ATCAY: variants seen among roughly 807,000 people sequenced by gnomAD.
ATCAY encodes the protein ATCAY kinesin light chain interacting caytaxin, also known as caytaxin.
ATCAY carries 22 observed loss-of-function variants against 47.7 expected under a neutral mutation model. That is an observed-to-expected ratio of 0.46 (90% CI 0.33 to 0.66). The LOEUF (loss-of-function observed/expected upper bound fraction) is 0.66, where lower values mean the gene tolerates loss of function less well. Ranked by LOEUF, ATCAY falls within the 30% of genes least tolerant of loss-of-function variation. ATCAY has a pLI of 0.02. For synonymous variants in ATCAY, 216 were observed against 207.6 expected, an observed-to-expected ratio of 1.04 and a Z score of -0.35; for missense variants, 452 against 515.0, an observed-to-expected ratio of 0.88 and a Z score of 1.18.
intron 2 of ATCAY, among the ~76,000 whole-genome samples, chr19:3,895,737 TA>T (rs2038764534): frequency 7.1e-6 from 1 of 141,740 alleles, no homozygotes; most frequent in East Asian, 2.1e-4. Context: ...TTTTTTTTGA[TA>T]GACTCTTGCT....
At chr19:3,892,251 G>A (rs2038724685) in intron 2 of ATCAY, among the ~76,000 whole-genome samples, 1 of 151,098 alleles carries the variant, frequency 6.6e-6, no homozygotes, top group Admixed American at 6.6e-5. Context: ...CACCCAGGCT[G>A]GAGTGCAGTG....
intron 1 of ATCAY, among the ~76,000 whole-genome samples, chr19:3,882,066 T>C (rs2038606854): frequency 6.6e-6 from 1 of 152,072 alleles, no homozygotes. Context: ...CTCTGGGTCC[T>C]TCCTTGCTAA....
At position 3,919,015 on chromosome 19, in the gene ATCAY, C is replaced by T. The variant is rs1056665740; in HGVS notation, c.1073+138C>T. On this transcript the variant is annotated intron_variant, in intron 11 of 12. Transcript: ENST00000450849. ...CTAAGTGGCCGGCCATGGTGGCTCA[C>T]GCCTGTAATCCCAGCACTTTGGGAG... 41 of 1,030,608 alleles carry T rather than the reference C, an allele frequency of 4.0e-5. No individual in the cohort carries two copies. In the Middle Eastern group the frequency reaches 1.1e-3, roughly 28 times the overall value. 63.8% of individuals were successfully genotyped at this position (1,030,608 alleles called of 1,614,324 possible). A position where few individuals can be genotyped will look rare whatever the true frequency, so the allele number is the denominator to read the frequency against.
chr19:3,917,262 G>T (rs1020432673), intron 9 of ATCAY, among the ~76,000 whole-genome samples: 13 of 151,622 alleles, frequency 8.6e-5, no homozygotes, highest in Non-Finnish European at 4.4e-5. Context: ...CTCCAGTCTG[G>T]GCTATGACAG....
chr19:3,914,287 G>T (rs1188469145), intron 9 of ATCAY, among the ~76,000 whole-genome samples: 2 of 144,330 alleles, frequency 1.4e-5, no homozygotes, highest in Non-Finnish European at 3.0e-5. Flanking sequence ...GGCTGGCAAC[G>T]CCTCCCAATC....
chr19:3,907,160 T>G lies in ATCAY; in HGVS notation c.359-574T>G, dbSNP rs541830217. On this transcript the variant is annotated intron_variant, in intron 4 of 12. Transcript: ENST00000450849. The surrounding 1 kb of genome is among the most constrained non-coding windows in gnomAD (Gnocchi z 5.1). The stretch of plus-strand genomic sequence containing the variant: ...AAAAAAAAAGAAAGAAAAAAAAAAA[T>G]TAAGGACAATGTAGTGGCTCATTCC... Among the ~76,000 whole-genome samples the G allele has an allele frequency of 6.9e-6, 1 of 145,250 alleles. No homozygotes were observed. Among genetic ancestry groups the G allele is most frequent in the South Asian group, 2.2e-4 (1 of 4,480 alleles).
At chr19:3,894,492 A>G (rs915124016) in intron 2 of ATCAY, among the ~76,000 whole-genome samples, 4 of 151,030 alleles carry the variant, frequency 2.6e-5, no homozygotes, top group Non-Finnish European at 5.9e-5. Flanking sequence ...TCAAAAAAAA[A>G]AAAAAAAAAA....
intron 2 of ATCAY, among the ~76,000 whole-genome samples, chr19:3,889,942 T>G (rs1444623430): frequency 6.6e-6 from 1 of 151,992 alleles, no homozygotes; most frequent in Admixed American, 6.6e-5. Context: ...TTCTTTACTT[T>G]TCTTTTCTTT....
chr19:3,896,997 G>A (rs991381361), intron 2 of ATCAY, among the ~76,000 whole-genome samples: 2 of 151,724 alleles, frequency 1.3e-5, no homozygotes, highest in African/African-American at 2.4e-5. Context: ...GGCTGGTCTC[G>A]AACTCCTGAC....
At position 3,913,913 on chromosome 19, in the gene ATCAY, A is replaced by T. The variant is rs2038943753; in HGVS notation, c.965+57A>T. 50 of 1,493,130 alleles carry T rather than the reference A, an allele frequency of 3.3e-5. 3 individuals are homozygous for T. The South Asian group carries it at 5.0e-4, about 15-fold the overall frequency. 92.5% of individuals were successfully genotyped at this position (1,493,130 alleles called of 1,614,324 possible). On this transcript the variant is annotated intron_variant, in intron 9 of 12. Transcript: ENST00000450849. ...TAGTCTGTTTTCGTGCTGCTGATAA[A>T]GACACACCTGAGACAGGGCAATTTA... is the stretch of plus-strand genomic sequence containing the variant.
At chr19:3,917,837 T>G in intron 10 of ATCAY, 60 bp downstream of exon 10, 1 of 1,579,664 alleles carries the variant, frequency 6.3e-7, no homozygotes, top group Non-Finnish European at 8.6e-7. Context: ...TGAGCTGAAC[T>G]CTCAGTTAGG....
chr19:3,911,015 C>A, intron 8 of ATCAY, 126 bp downstream of exon 8: 1 of 981,820 alleles, frequency 1.0e-6, no homozygotes, highest in Non-Finnish European at 1.6e-6. Flanking sequence ...GTGTGTGCAT[C>A]CATGTGTGTG....
chr19:3,916,517 G>A (rs763936229), intron 9 of ATCAY, among the ~76,000 whole-genome samples: 5 of 151,942 alleles, frequency 3.3e-5, no homozygotes, highest in East Asian at 1.9e-4. Context: ...TTTTTGAGAC[G>A]GAGTCTCACT....
rs766386513 is a variant in ATCAY at position 3,917,722 on chromosome 19, C to T, written c.966-20C>T. The T allele has an allele frequency of 6.2e-7, 1 of 1,610,938 alleles. No individual in the cohort carries two copies. The highest frequency in any genetic ancestry group is 1.7e-5 in the Admixed American group (1 of 59,854). On this transcript the variant is annotated intron_variant, in intron 9 of 12. Coordinates refer to ENST00000450849, the MANE Select transcript of ATCAY (RefSeq NM_033064.5). Reference sequence around the variant, plus strand: ...CAGGGGAAAGGAAGGTTGTGTCTGACATCTTTTTCTTTCTTTCAGATACGA... The same window carrying T: ...CAGGGGAAAGGAAGGTTGTGTCTGATATCTTTTTCTTTCTTTCAGATACGA...
intron 6 of ATCAY, among the ~76,000 whole-genome samples, chr19:3,908,672 CCTT>C (rs1457098288): frequency 3.6e-5 from 4 of 111,916 alleles, no homozygotes; most frequent in African/African-American, 1.4e-4. Flanking sequence ...TTCTTCTCCT[CCTT>C]CTCCTCCCCT....
chr19:3,881,925 T>C (rs2038605468), intron 1 of ATCAY, among the ~76,000 whole-genome samples: 1 of 143,100 alleles, frequency 7.0e-6, no homozygotes. Flanking sequence ...TGCTGCGTGT[T>C]ACTGTCCCTC....
At chr19:3,887,713 T>G (rs546592841) in intron 2 of ATCAY, among the ~76,000 whole-genome samples, 11 of 149,842 alleles carry the variant, frequency 7.3e-5, no homozygotes, top group African/African-American at 1.2e-4. Flanking sequence ...GTCTCGATCG[T>G]CTGACCTCGT....
In ATCAY at chr19:3,922,637, C is replaced by T. The variant is rs75366783; in HGVS notation, c.1106+1839C>T. ...ACATAGACACTCCAGCCAGGATGCTCCAAGAGTTTAGAAGTTAATCCCAGG... is the reference window on the plus strand; with the variant it reads ...ACATAGACACTCCAGCCAGGATGCTTCAAGAGTTTAGAAGTTAATCCCAGG... On this transcript the variant is annotated intron_variant, in intron 12 of 12. Coordinates refer to ENST00000450849, the MANE Select transcript of ATCAY (RefSeq NM_033064.5). Among the ~76,000 whole-genome samples the T allele has an allele frequency of 8.5e-4, 130 of 152,298 alleles. 2 individuals carry two copies. The East Asian group carries it at 0.024, about 29-fold the overall frequency.
At chr19:3,895,239 G>A (rs1315747736) in intron 2 of ATCAY, 9 of 452,514 alleles carry the variant, frequency 2.0e-5, no homozygotes, top group Admixed American at 1.4e-4. Context: ...TTTTTGAGAC[G>A]GAGTCTCACT....
Sources: gnomAD v4.1 joint callset for allele counts (sites outside exome capture counted in the v4.1 genomes callset) on GRCh38, gnomAD v4.1.1 for gene constraint, Gnocchi (gnomAD v3.1) non-coding constraint, MANE v1.5 for transcripts, NCBI Gene and HGNC (gene_info 2026-07-23, HGNC 2026-07-21) for gene names.